Variants in ADRA1A observed in about 807,000 individuals in gnomAD.
The protein encoded by ADRA1A is adrenoceptor alpha 1A.
In ADRA1A, 31 loss-of-function variants were observed where a neutral mutation model predicts 29.6. That is an observed-to-expected ratio of 1.05 (90% CI 0.79 to 1.41). The LOEUF (loss-of-function observed/expected upper bound fraction) is 1.41, where lower values mean the gene tolerates loss of function less well. ADRA1A is among the 40% of genes most tolerant of loss of function. The probability of loss-of-function intolerance (pLI) is 0.00; values close to 1 mark genes in which losing one functional copy is unlikely to be tolerated. For synonymous variants in ADRA1A, 311 were observed against 254.3 expected (o/e 1.22, Z -2.12); for missense variants, 619 against 601.1 (o/e 1.03, Z -0.31).
In ADRA1A at chr8:26,819,159, G is replaced by A. The variant is rs148594064; in HGVS notation, c.883+44928C>T. On this transcript the variant is annotated intron_variant, in intron 2 of 2. Coordinates refer to ENST00000380573, the MANE Select transcript of ADRA1A (RefSeq NM_000680.4). ...CAGGAGAAACCTTGCTGGCCAGGAG[G>A]GGAGTGATATATTAAAAATGCTGAA... is the stretch of plus-strand genomic sequence containing the variant. Among the ~76,000 whole-genome samples the A allele has an allele frequency of 7.3e-3, 1,113 of 152,216 alleles. 14 individuals carry two copies. Among genetic ancestry groups the A allele is most frequent in the African/African-American group, 0.025 (1,019 of 41,536 alleles).
In ADRA1A at chr8:26,770,218, G is replaced by A; in HGVS notation, c.1332C>T (p.Asp444=). ...TAATGGTTGGAACTTGATGGTTCTT[G>A]TCAAGGCTGGGGGTTGAGGGCCCTA... ...CCVGPSTPSL[D]KNHQVPTIKV... The change falls in exon 3 of 3, where the codon GAC becomes GAT. Residue 444 remains aspartate (D), a synonymous_variant. Coordinates refer to ENST00000380573, the MANE Select transcript of ADRA1A (RefSeq NM_000680.4). 1 of 1,606,840 alleles carries A rather than the reference G, an allele frequency of 6.2e-7. No individual in the cohort carries two copies.
At chr8:26,790,580 T>C (rs1585696931) in intron 2 of ADRA1A, among the ~76,000 whole-genome samples, 1 of 152,158 alleles carries the variant, frequency 6.6e-6, no homozygotes, top group Non-Finnish European at 1.5e-5. Context: ...TTGTGATATA[T>C]TGTTGGATGG....
chr8:26,751,257 G>A (rs1033117668), intron 2 of ADRA1A, among the ~76,000 whole-genome samples: 3 of 152,110 alleles, frequency 2.0e-5, no homozygotes, highest in Non-Finnish European at 4.4e-5. Context: ...ATTCTGAAAT[G>A]AGTATATGGA....
chr8:26,814,203 A>C (rs938916488), intron 2 of ADRA1A, among the ~76,000 whole-genome samples: 2 of 150,976 alleles, frequency 1.3e-5, no homozygotes, highest in Admixed American at 6.6e-5. Flanking sequence ...AAAAAAAAAA[A>C]CATACTTCCT....
chr8:26,756,877 A>G (rs185196544), intron 2 of ADRA1A: 1,104 of 1,525,662 alleles, frequency 7.2e-4, no homozygotes, highest in Non-Finnish European at 9.4e-4. Context: ...CCTTTTGTAG[A>G]GTAAGAATTC....
intron 2 of ADRA1A, among the ~76,000 whole-genome samples, chr8:26,838,282 A>G (rs1330342941): frequency 6.6e-6 from 1 of 152,184 alleles, no homozygotes; most frequent in Non-Finnish European, 1.5e-5. Flanking sequence ...TAGGCTCTGT[A>G]TGAATCTATA....
chr8:26,826,526 TA>T (rs1193416097), intron 2 of ADRA1A, among the ~76,000 whole-genome samples: 4 of 152,252 alleles, frequency 2.6e-5, no homozygotes, highest in Non-Finnish European at 5.9e-5. Context: ...CCAAAAAGTC[TA>T]TTTTGTTATC....
rs1305249940 is a variant in ADRA1A, at chr8:26,860,062, T to G, written c.883+4025A>C. 1.3e-5 allele frequency among the ~76,000 whole-genome samples: 2 copies of G among 152,142 alleles called. No homozygotes were observed. Among genetic ancestry groups the G allele is most frequent in the African/African-American group, 2.4e-5 (1 of 41,434 alleles). On this transcript the variant is annotated intron_variant, in intron 2 of 2. Coordinates refer to ENST00000380573, the MANE Select transcript of ADRA1A (RefSeq NM_000680.4). The surrounding 1 kb of genome is among the most constrained non-coding windows in gnomAD (Gnocchi z 4.7). ...GATTAGAGGCATGAGCCACCGCGCCTGGCACCTCACTAGGATTTAAAAGAA... is the reference window on the plus strand; with the variant it reads ...GATTAGAGGCATGAGCCACCGCGCCGGGCACCTCACTAGGATTTAAAAGAA...
At chr8:26,783,587 A>G (rs961215301) in intron 2 of ADRA1A, among the ~76,000 whole-genome samples, 1 of 152,208 alleles carries the variant, frequency 6.6e-6, no homozygotes, top group African/African-American at 2.4e-5. Context: ...GTTTTGTAAA[A>G]CCTGGAAGAC....
intron 2 of ADRA1A, chr8:26,756,843 G>T: frequency 6.3e-7 from 1 of 1,579,888 alleles, no homozygotes; most frequent in South Asian, 1.2e-5. Context: ...TAGGCATCAT[G>T]CATCAATGTG....
chr8:26,813,433 A>G (rs984399764), intron 2 of ADRA1A, among the ~76,000 whole-genome samples: 2 of 152,214 alleles, frequency 1.3e-5, no homozygotes, highest in African/African-American at 4.8e-5. Context: ...GAATTAATTA[A>G]GACCCTACTT....
At chr8:26,800,360 C>A (rs1808487236) in intron 2 of ADRA1A, among the ~76,000 whole-genome samples, 1 of 151,886 alleles carries the variant, frequency 6.6e-6, no homozygotes, top group Non-Finnish European at 1.5e-5. Flanking sequence ...TAGGAACAGG[C>A]CAAGATGTGA....
rs1806476005 is a variant in ADRA1A, at chr8:26,775,467, C to T, written c.884-4801G>A. ...CCCTCTAGTTTTTCTCATGATGCTT[C>T]ATAGGAAGAGCCAGACTTCCAAATC... is the stretch of plus-strand genomic sequence containing the variant. On this transcript the variant is annotated intron_variant, in intron 2 of 2. Coordinates refer to ENST00000380573, the MANE Select transcript of ADRA1A (RefSeq NM_000680.4). This position sits in a 1 kb window ranked among gnomAD's most constrained non-coding sequence, Gnocchi z 4.1. 6.6e-6 allele frequency among the ~76,000 whole-genome samples: 1 copy of T among 152,118 alleles called. No homozygotes were observed. Among genetic ancestry groups the T allele is most frequent in the Admixed American group, 6.6e-5 (1 of 15,266 alleles).
At chr8:26,793,461 G>C (rs1807972407) in intron 2 of ADRA1A, among the ~76,000 whole-genome samples, 2 of 151,712 alleles carry the variant, frequency 1.3e-5, no homozygotes, top group African/African-American at 4.8e-5. Context: ...AGTTGGAAAA[G>C]AACTACAAAT....
chr8:26,772,265 C>T (rs1158437994), intron 2 of ADRA1A: 11 of 152,294 alleles, frequency 7.2e-5, no homozygotes, highest in African/African-American at 2.4e-4. Context: ...GACTCCCAAT[C>T]CAATGTTCTT....
At chr8:26,830,126 A>G (rs1810868435) in intron 2 of ADRA1A, among the ~76,000 whole-genome samples, 1 of 152,092 alleles carries the variant, frequency 6.6e-6, no homozygotes, top group South Asian at 2.1e-4. Context: ...CTAGCCCAAA[A>G]CTGTTAATGT....
At chr8:26,784,315 G>A (rs1372228216) in intron 2 of ADRA1A, among the ~76,000 whole-genome samples, 5 of 152,186 alleles carry the variant, frequency 3.3e-5, no homozygotes, top group Non-Finnish European at 2.9e-5. Flanking sequence ...GTCGTTTCCC[G>A]CTGTCGGGAT....
chr8:26,765,535 C>A (rs910089669), downstream of ADRA1A, among the ~76,000 whole-genome samples: 1 of 152,226 alleles, frequency 6.6e-6, no homozygotes, highest in Non-Finnish European at 1.5e-5. Flanking sequence ...AGTGTTCCAA[C>A]TGGGCTCCAC....
rs1490448544 is a variant in ADRA1A at position 26,825,863 on chromosome 8, T to G, written c.883+38224A>C. On this transcript the variant is annotated intron_variant, in intron 2 of 2. Transcript: ENST00000380573. This position sits in a 1 kb window ranked among gnomAD's most constrained non-coding sequence, Gnocchi z 5.7. ...AAACAGAAAATCGACTTCCAAGTTC[T>G]GCGCACTGGTGTTTGCATGAGGACA... Among the ~76,000 whole-genome samples, 2 of 152,252 alleles carry G rather than the reference T, an allele frequency of 1.3e-5. No individual in the cohort carries two copies. Among genetic ancestry groups the G allele is most frequent in the Non-Finnish European group, 1.5e-5 (1 of 68,048 alleles).
Sources: allele counts gnomAD v4.1 joint callset (sites outside exome capture counted in the v4.1 genomes callset), GRCh38; gene constraint gnomAD v4.1.1; non-coding constraint Gnocchi (gnomAD v3.1); transcripts MANE v1.5; gene names NCBI Gene and HGNC (gene_info 2026-07-23, HGNC 2026-07-21).